The following FREM3 variants were observed in gnomAD, a reference collection of about 807,000 sequenced individuals.
FREM3 encodes FRAS1 related extracellular matrix 3.
FREM3 carries 105 observed loss-of-function variants against 129.1 expected under a neutral mutation model. The ratio of observed to expected loss-of-function variants is 0.81; its 90% CI spans 0.69 to 0.96. The LOEUF (loss-of-function observed/expected upper bound fraction) is 0.96. FREM3 is among the 40% of genes least tolerant of loss of function. The pLI, the probability that FREM3 is intolerant of heterozygous loss-of-function variation, is 0.00. For synonymous variants in FREM3, 1,014 were observed against 1,044.9 expected, an observed-to-expected ratio of 0.97 and a Z score of 0.57; for missense variants, 2,593 against 2,666.3, an observed-to-expected ratio of 0.97 and a Z score of 0.61.
chr4:143,644,009 T>C (rs1739369343), intron 2 of FREM3, among the ~76,000 whole-genome samples: 1 of 152,214 alleles, frequency 6.6e-6, no homozygotes, highest in Non-Finnish European at 1.5e-5. Context: ...TTGGGGACTT[T>C]GGATTGTATA....
At chr4:143,589,880 A>G (rs904842744) in intron 6 of FREM3, among the ~76,000 whole-genome samples, 3 of 152,174 alleles carry the variant, frequency 2.0e-5, no homozygotes, top group Non-Finnish European at 4.4e-5. Flanking sequence ...TGAGCATGGA[A>G]TGTTCTTCCA....
chr4:143,590,721 A>C lies in FREM3; in HGVS notation c.6029-4728T>G, dbSNP rs187353512. ...TCTCTTTTTTTGCTGTGTCTCTGCC[A>C]GGCTTTGGTATCAGGATGATGCTGG... On this transcript the variant is annotated intron_variant, in intron 6 of 7. Transcript: ENST00000329798. 3.1e-3 allele frequency among the ~76,000 whole-genome samples: 475 copies of C among 152,266 alleles called. 1 individual carries two copies. The highest frequency in any genetic ancestry group is 0.011 in the African/African-American group (437 of 41,546).
intron 2 of FREM3, among the ~76,000 whole-genome samples, chr4:143,653,486 T>C (rs1739547168): frequency 6.6e-6 from 1 of 152,104 alleles, no homozygotes; most frequent in African/African-American, 2.4e-5. Context: ...CAATGGAGAT[T>C]CTCTCTAGTG....
intron 2 of FREM3, among the ~76,000 whole-genome samples, chr4:143,678,265 T>G (rs1740183009): frequency 6.6e-6 from 1 of 152,066 alleles, no homozygotes; most frequent in Non-Finnish European, 1.5e-5. Context: ...CTGGAAACCA[T>G]CATTCTCAGC....
chr4:143,587,634 AAGG>A (rs373962948), intron 6 of FREM3, among the ~76,000 whole-genome samples: 2 of 152,202 alleles, frequency 1.3e-5, no homozygotes, highest in African/African-American at 4.8e-5. Context: ...GACAGGAAAG[AAGG>A]AGGATAGGCA....
rs1739456477 is a variant in FREM3, at chr4:143,648,392, AG to A, written c.5276-20633del. Among the ~76,000 whole-genome samples the A allele has an allele frequency of 2.6e-5, 4 of 152,316 alleles. No individual in the cohort carries two copies. The South Asian group carries it at 8.3e-4, about 32-fold the overall frequency. ...AGGCATGATTTTGTTTTGAAATGTGAGGACATGAGATTTGGGAGGGGCCAGG... is the reference window on the plus strand; with the variant it reads ...AGGCATGATTTTGTTTTGAAATGTGAGACATGAGATTTGGGAGGGGCCAGG... On this transcript the variant is annotated intron_variant, in intron 2 of 7. Coordinates refer to ENST00000329798, the MANE Select transcript of FREM3 (RefSeq NM_001168235.2).
At chr4:143,607,390 C>T (rs1323424712) in intron 6 of FREM3, among the ~76,000 whole-genome samples, 1 of 152,126 alleles carries the variant, frequency 6.6e-6, no homozygotes, top group African/African-American at 2.4e-5. Flanking sequence ...TCTTGAGCTC[C>T]TCCAGTTAGA....
chr4:143,602,185 A>C (rs1196888645), intron 6 of FREM3, among the ~76,000 whole-genome samples: 1 of 152,164 alleles, frequency 6.6e-6, no homozygotes, highest in Admixed American at 6.5e-5. Flanking sequence ...ATATTTTCTC[A>C]AATAGTCAAT....
intron 2 of FREM3, among the ~76,000 whole-genome samples, chr4:143,661,484 T>A (rs369046907): frequency 9.2e-5 from 14 of 151,990 alleles, no homozygotes; most frequent in African/African-American, 2.7e-4. Flanking sequence ...TGCTGGATTC[T>A]GTTTGCCAGT....
intron 4 of FREM3, among the ~76,000 whole-genome samples, chr4:143,623,837 A>G (rs924513193): frequency 4.6e-5 from 7 of 152,126 alleles, no homozygotes; most frequent in Non-Finnish European, 1.0e-4. Context: ...CTTCGTACCT[A>G]TGGCGTGCAG....
intron 2 of FREM3, among the ~76,000 whole-genome samples, chr4:143,683,123 T>G (rs1002099600): frequency 6.6e-6 from 1 of 152,100 alleles, no homozygotes; most frequent in Non-Finnish European, 1.5e-5. Flanking sequence ...CACAAGAACA[T>G]GCGGTCTTGA....
chr4:143,593,780 A>T (rs373734684), intron 6 of FREM3, among the ~76,000 whole-genome samples: 70 of 152,268 alleles, frequency 4.6e-4, no homozygotes, highest in African/African-American at 1.7e-3. Flanking sequence ...AGGGACATTT[A>T]AGTCTGCAGA....
chr4:143,685,630 A>G (rs1740349441), intron 2 of FREM3, among the ~76,000 whole-genome samples: 1 of 152,258 alleles, frequency 6.6e-6, no homozygotes, highest in Non-Finnish European at 1.5e-5. Flanking sequence ...ATCAAAGTAC[A>G]TAGGCAACAA....
At chr4:143,675,296 T>A (rs1458063092) in intron 2 of FREM3, among the ~76,000 whole-genome samples, 3 of 151,912 alleles carry the variant, frequency 2.0e-5, no homozygotes, top group Non-Finnish European at 4.4e-5. Flanking sequence ...GACTACTGGG[T>A]ACATAACGAA....
rs1459928025 is a variant in FREM3, at chr4:143,578,851, A to T, written c.6179-999T>A. 2.0e-5 allele frequency among the ~76,000 whole-genome samples: 3 copies of T among 152,210 alleles called. No individual in the cohort carries two copies. In the East Asian group the frequency reaches 5.8e-4, roughly 29 times the overall value. ...ACAAAAGCAGACATGACAGCTAAATATAATGCATGATTTAGAACTGGATTC... is the reference window on the plus strand; with the variant it reads ...ACAAAAGCAGACATGACAGCTAAATTTAATGCATGATTTAGAACTGGATTC... On this transcript the variant is annotated intron_variant, in intron 7 of 7. Coordinates refer to ENST00000329798, the MANE Select transcript of FREM3 (RefSeq NM_001168235.2).
chr4:143,602,926 G>A (rs887615394), intron 6 of FREM3, among the ~76,000 whole-genome samples: 3 of 152,266 alleles, frequency 2.0e-5, no homozygotes, highest in Non-Finnish European at 1.5e-5. Flanking sequence ...CTTCAGGACC[G>A]TCAGCAGTTA....
intron 6 of FREM3, among the ~76,000 whole-genome samples, chr4:143,607,593 C>CA (rs1738688812): frequency 1.3e-5 from 2 of 152,192 alleles, no homozygotes; most frequent in South Asian, 4.2e-4. Context: ...GACTTACACT[C>CA]AAATGTTCAA....
At chr4:143,659,051 C>T (rs1739652117) in intron 2 of FREM3, among the ~76,000 whole-genome samples, 2 of 145,430 alleles carry the variant, frequency 1.4e-5, no homozygotes, top group South Asian at 4.5e-4. Context: ...TTTTTATGTG[C>T]CCCCACTTGA....
At chr4:143,612,913 T>C (rs1176492821) in intron 5 of FREM3, among the ~76,000 whole-genome samples, 1 of 152,198 alleles carries the variant, frequency 6.6e-6, no homozygotes, top group Non-Finnish European at 1.5e-5. Context: ...CTGGACTGGA[T>C]GCTCCAGTCT....
Sources: gnomAD v4.1 joint callset for allele counts (sites outside exome capture counted in the v4.1 genomes callset) on GRCh38, gnomAD v4.1.1 for gene constraint, MANE v1.5 for transcripts, NCBI Gene and HGNC (gene_info 2026-07-23, HGNC 2026-07-21) for gene names.